Variants in FTO observed in about 807,000 individuals in gnomAD.
The protein encoded by FTO is FTO alpha-ketoglutarate dependent dioxygenase, also known as alpha-ketoglutarate-dependent dioxygenase FTO.
Under a neutral mutation model 63.9 loss-of-function variants are expected in FTO, and 47 were observed. That is an observed-to-expected ratio of 0.74 (90% CI 0.58 to 0.94). The LOEUF (loss-of-function observed/expected upper bound fraction) is 0.94. Ranked by LOEUF, FTO falls within the 40% of genes least tolerant of loss-of-function variation. The probability of loss-of-function intolerance (pLI) is 0.00; values close to 1 mark genes in which losing one functional copy is unlikely to be tolerated. For synonymous variants in FTO, 207 were observed against 224.4 expected, an observed-to-expected ratio of 0.92 and a Z score of 0.69; for missense variants, 562 against 618.1, an observed-to-expected ratio of 0.91 and a Z score of 0.96.
chr16:54,096,363 T>C (rs1380306540), intron 8 of FTO, among the ~76,000 whole-genome samples: 1 of 152,212 alleles, frequency 6.6e-6, no homozygotes, highest in East Asian at 1.9e-4. Flanking sequence ...CAGGGGCTTG[T>C]TAACATGACA....
At chr16:54,006,147 C>G (rs2084197814) in intron 8 of FTO, among the ~76,000 whole-genome samples, 1 of 152,110 alleles carries the variant, frequency 6.6e-6, no homozygotes, top group South Asian at 2.1e-4. Flanking sequence ...GGAGAAAATT[C>G]CAATTAACAG....
chr16:53,920,525 A>T (rs902668374), intron 7 of FTO, among the ~76,000 whole-genome samples: 1 of 152,156 alleles, frequency 6.6e-6, no homozygotes, highest in East Asian at 1.9e-4. Context: ...GTGTGTGTGT[A>T]TATATAATTT....
intron 8 of FTO, among the ~76,000 whole-genome samples, chr16:54,080,392 G>T (rs1384642241): frequency 6.6e-6 from 1 of 152,156 alleles, no homozygotes; most frequent in African/African-American, 2.4e-5. Context: ...TATACATTTT[G>T]CATTCACGAT....
intron 5 of FTO, 34 bp from the exon 6 acceptor site, chr16:53,879,810 C>A: frequency 6.2e-7 from 1 of 1,612,572 alleles, no homozygotes; most frequent in Non-Finnish European, 8.5e-7. Context: ...TTAGATTTTG[C>A]CCATAATTGT....
intron 1 of FTO, among the ~76,000 whole-genome samples, chr16:53,802,880 T>C (rs1192488768): frequency 6.6e-6 from 1 of 152,232 alleles, no homozygotes; most frequent in Non-Finnish European, 1.5e-5. Flanking sequence ...GTGGATTTAC[T>C]CTAGAAGCTT....
chr16:53,786,049 C>G (rs2077730642), intron 1 of FTO, among the ~76,000 whole-genome samples: 1 of 152,072 alleles, frequency 6.6e-6, no homozygotes, highest in Non-Finnish European at 1.5e-5. Context: ...GGAGGTTGCT[C>G]TGACGGCTGT....
chr16:53,823,483 C>T (rs1318185065), intron 2 of FTO, among the ~76,000 whole-genome samples: 2 of 150,652 alleles, frequency 1.3e-5, no homozygotes, highest in Non-Finnish European at 3.0e-5. Flanking sequence ...CAGATGTGTA[C>T]ATCCAATTCC....
intron 8 of FTO, among the ~76,000 whole-genome samples, chr16:54,028,459 C>T (rs1340022099): frequency 2.0e-5 from 3 of 152,132 alleles, no homozygotes; most frequent in African/African-American, 7.2e-5. Context: ...CACTTGATAA[C>T]AAAGATGTGC....
At chr16:53,799,155 A>G (rs1403647819) in intron 1 of FTO, among the ~76,000 whole-genome samples, 2 of 152,162 alleles carry the variant, frequency 1.3e-5, no homozygotes, top group African/African-American at 4.8e-5. Context: ...TTACATTTAT[A>G]TGCATGAGGG....
At chr16:53,935,555 C>G (rs1599031552) in intron 8 of FTO, 2 of 151,912 alleles carry the variant, frequency 1.3e-5, no homozygotes, top group Admixed American at 1.3e-4. Flanking sequence ...CAGACAGTTT[C>G]TTTTTTTTCT....
At chr16:53,963,791 C>T (rs2083137366) in intron 8 of FTO, among the ~76,000 whole-genome samples, 1 of 152,204 alleles carries the variant, frequency 6.6e-6, no homozygotes, top group Admixed American at 6.5e-5. Flanking sequence ...CTCACTCTGT[C>T]TCCCAGGCTG....
Position 54,118,347 on chromosome 16 carries a change from C to CA in FTO, c.*6433dup, listed in dbSNP as rs1259996338. 1 of 150,258 alleles carries CA rather than the reference C, an allele frequency of 6.7e-6. No individual in the cohort carries two copies. The highest frequency in any genetic ancestry group is 1.5e-5 in the Non-Finnish European group (1 of 67,778). 9.3% of individuals were successfully genotyped at this position (150,258 alleles called of 1,614,324 possible). ...GTGATAATGGCATGAAGCTCTTTCA[C>CA]ACAGTCTTTTTTTTTTTTCTTTTTT... On this transcript the variant is annotated 3_prime_UTR_variant, in exon 9 of 9. Coordinates refer to ENST00000471389, the MANE Select transcript of FTO (RefSeq NM_001080432.3).
At chr16:53,832,412 TC>T (rs1243968047) in intron 3 of FTO, among the ~76,000 whole-genome samples, 1 of 152,182 alleles carries the variant, frequency 6.6e-6, no homozygotes, top group African/African-American at 2.4e-5. Context: ...ATATCTGTTT[TC>T]TTTTTTTATT....
At chr16:53,745,728 A>T (rs2076634445) in intron 1 of FTO, among the ~76,000 whole-genome samples, 1 of 152,188 alleles carries the variant, frequency 6.6e-6, no homozygotes, top group African/African-American at 2.4e-5. Flanking sequence ...ACTTAAATGC[A>T]TATTTGCCAT....
At chr16:53,777,985 G>A (rs2077500423) in intron 1 of FTO, among the ~76,000 whole-genome samples, 1 of 152,088 alleles carries the variant, frequency 6.6e-6, no homozygotes. Flanking sequence ...TTTTACTTTA[G>A]TATTTATCAG....
intron 4 of FTO, among the ~76,000 whole-genome samples, chr16:53,846,064 T>A (rs995008711): frequency 2.6e-5 from 4 of 152,138 alleles, no homozygotes; most frequent in African/African-American, 9.7e-5. Context: ...GATTGTTCTT[T>A]TTTTAAGTGA....
intron 5 of FTO, among the ~76,000 whole-genome samples, chr16:53,877,042 T>C (rs2080676322): frequency 6.6e-6 from 1 of 152,184 alleles, no homozygotes; most frequent in Admixed American, 6.5e-5. Flanking sequence ...CATTTCACAC[T>C]CACTAGGATA....
chr16:53,720,131 A>G (rs1815459557), intron 1 of FTO, among the ~76,000 whole-genome samples: 1 of 152,066 alleles, frequency 6.6e-6, no homozygotes, highest in South Asian at 2.1e-4. Context: ...GGAGGGCTAA[A>G]CTTGTAGTCT....
intron 7 of FTO, among the ~76,000 whole-genome samples, chr16:53,918,508 C>G (rs778080896): frequency 2.6e-5 from 4 of 152,162 alleles, no homozygotes; most frequent in African/African-American, 4.8e-5. Context: ...ATATGACACA[C>G]AACTCTATTT....
Sources: allele counts gnomAD v4.1 joint callset (sites outside exome capture counted in the v4.1 genomes callset), GRCh38; gene constraint gnomAD v4.1.1; transcripts MANE v1.5; gene names NCBI Gene and HGNC (gene_info 2026-07-23, HGNC 2026-07-21).